The following ADAMTS2 variants were observed in gnomAD, a reference collection of about 807,000 sequenced individuals.
The protein encoded by ADAMTS2 is ADAM metallopeptidase with thrombospondin type 1 motif 2, also known as A disintegrin and metalloproteinase with thrombospondin motifs 2.
In ADAMTS2, 50 loss-of-function variants were observed where a neutral mutation model predicts 123.0. That is an observed-to-expected ratio of 0.41 (90% CI 0.32 to 0.51). ADAMTS2 has a LOEUF of 0.51. Among genes scored for constraint, ADAMTS2 ranks in the 20% least tolerant of loss-of-function variants. The pLI, the probability that ADAMTS2 is intolerant of heterozygous loss-of-function variation, is 0.35. For synonymous variants in ADAMTS2, 678 were observed against 695.4 expected, an observed-to-expected ratio of 0.98 and a Z score of 0.39; for missense variants, 1,494 against 1,705.2, an observed-to-expected ratio of 0.88 and a Z score of 2.18.
chr5:179,139,750 G>T, intron 11 of ADAMTS2, 140 bp downstream of exon 11: 2 of 1,293,438 alleles, frequency 1.5e-6, no homozygotes, highest in Admixed American at 3.8e-5. Flanking sequence ...GTAGGGTGAG[G>T]CAGGCGGGGC....
chr5:179,146,764 T>G (rs1025630744), intron 10 of ADAMTS2, among the ~76,000 whole-genome samples: 1 of 152,228 alleles, frequency 6.6e-6, no homozygotes, highest in African/African-American at 2.4e-5. Flanking sequence ...TTTTATTTCC[T>G]TGCTCATTTT....
rs1038341375 is a variant in ADAMTS2, at chr5:179,181,518, C to A, written c.892-363G>T. On this transcript the variant is annotated intron_variant, in intron 4 of 21. Transcript: ENST00000251582. This position sits in a 1 kb window ranked among gnomAD's most constrained non-coding sequence, Gnocchi z 4.1. ...CAACAGTGAACGTGGGTGATGGACCCCCGCGGCACAGGCAGGGCTGGGACC... is the reference window on the plus strand; with the variant it reads ...CAACAGTGAACGTGGGTGATGGACCACCGCGGCACAGGCAGGGCTGGGACC... 3.3e-5 allele frequency among the ~76,000 whole-genome samples: 5 copies of A among 152,140 alleles called. No individual in the cohort carries two copies. The highest frequency in any genetic ancestry group is 7.4e-5 in the Non-Finnish European group (5 of 68,024).
rs35753 is a variant in ADAMTS2, at chr5:179,268,785, C to A, written c.688+4126G>T. Among the ~76,000 whole-genome samples the A allele has an allele frequency of 7.9e-5, 12 of 152,154 alleles. No individual in the cohort carries two copies. The South Asian group carries it at 1.2e-3, about 16-fold the overall frequency. ...TCTGGGCTATATGCCCTGGGGAGGC[C>A]TAAGTGAAGCCTACAGTGCTGCTCC... On this transcript the variant is annotated intron_variant, in intron 3 of 21. Transcript: ENST00000251582.
chr5:179,265,560 G>A (rs1766346598), intron 3 of ADAMTS2, among the ~76,000 whole-genome samples: 1 of 152,194 alleles, frequency 6.6e-6, no homozygotes, highest in Admixed American at 6.5e-5. Context: ...GCACCCACAG[G>A]GCAGCGCTCT....
At chr5:179,286,394 C>T (rs898167254) in intron 2 of ADAMTS2, among the ~76,000 whole-genome samples, 3 of 151,834 alleles carry the variant, frequency 2.0e-5, no homozygotes, top group Non-Finnish European at 2.9e-5. Context: ...GAGACCAGCA[C>T]GCCTGAGCAC....
chr5:179,134,461 T>C (rs1446096337), intron 13 of ADAMTS2, among the ~76,000 whole-genome samples: 1 of 152,176 alleles, frequency 6.6e-6, no homozygotes, highest in Non-Finnish European at 1.5e-5. Context: ...CAGAGCCCAC[T>C]GGAATGATTC....
intron 2 of ADAMTS2, among the ~76,000 whole-genome samples, chr5:179,320,613 TGGCCCAC>T (rs1757142550): frequency 2.0e-5 from 3 of 152,104 alleles, no homozygotes; most frequent in Non-Finnish European, 4.4e-5. Flanking sequence ...CCACTGTTCC[TGGCCCAC>T]CCTTCTCCTT....
chr5:179,146,387 G>A (rs547200459), intron 10 of ADAMTS2, among the ~76,000 whole-genome samples: 11 of 152,234 alleles, frequency 7.2e-5, no homozygotes, highest in South Asian at 6.2e-4. Flanking sequence ...TCTGGTTTCC[G>A]TCCTTGATGT....
chr5:179,174,026 A>G lies in ADAMTS2; in HGVS notation c.975+7046T>C, dbSNP rs866811845. ...AGACTCCATCTCAAAAAAAAAAAAA[A>G]AAAGAAAGAAAAAAAGAACATTTTT... On this transcript the variant is annotated intron_variant, in intron 5 of 21. Coordinates refer to ENST00000251582, the MANE Select transcript of ADAMTS2 (RefSeq NM_014244.5). 2.0e-3 allele frequency among the ~76,000 whole-genome samples: 309 copies of G among 151,710 alleles called. 1 individual carries two copies. Among genetic ancestry groups the G allele is most frequent in the African/African-American group, 6.4e-3 (265 of 41,266 alleles).
intron 10 of ADAMTS2, among the ~76,000 whole-genome samples, chr5:179,142,655 G>A (rs1457750169): frequency 1.3e-5 from 2 of 152,204 alleles, no homozygotes; most frequent in East Asian, 3.8e-4. Flanking sequence ...GATAGTCAAA[G>A]AGCCTGGCTA....
chr5:179,207,473 C>CCGA, intron 4 of ADAMTS2, 40 bp downstream of exon 4: 4 of 938,202 alleles, frequency 4.3e-6, no homozygotes, highest in Non-Finnish European at 6.9e-6. Context: ...CCTGGTTGAC[C>CCGA]CTCCCCGCCC....
rs1228399778 is a variant in ADAMTS2 at position 179,285,229 on chromosome 5, T to A, written c.535-12165A>T. 6.6e-6 allele frequency among the ~76,000 whole-genome samples: 1 copy of A among 152,178 alleles called. No individual in the cohort carries two copies. Among genetic ancestry groups the A allele is most frequent in the Non-Finnish European group, 1.5e-5 (1 of 68,042 alleles). On this transcript the variant is annotated intron_variant, in intron 2 of 21. Coordinates refer to ENST00000251582, the MANE Select transcript of ADAMTS2 (RefSeq NM_014244.5). This position sits in a 1 kb window ranked among gnomAD's most constrained non-coding sequence, Gnocchi z 4.9. ...TTAATATTTTCTGTATTTTTTTTGT[T>A]TTACATTTTTACAAAGGGCATATAG...
chr5:179,309,640 C>T (rs1427791839), intron 2 of ADAMTS2, among the ~76,000 whole-genome samples: 2 of 151,904 alleles, frequency 1.3e-5, no homozygotes, highest in South Asian at 4.2e-4. Context: ...CACCGGTAAC[C>T]CCAGCTACTC....
At chr5:179,294,213 G>A (rs1183170057) in intron 2 of ADAMTS2, among the ~76,000 whole-genome samples, 1 of 152,118 alleles carries the variant, frequency 6.6e-6, no homozygotes, top group Non-Finnish European at 1.5e-5. Context: ...CTAAGATGCT[G>A]CCACTGCACT....
At chr5:179,124,322 C>A (rs1167510622) in intron 19 of ADAMTS2, among the ~76,000 whole-genome samples, 1 of 152,130 alleles carries the variant, frequency 6.6e-6, no homozygotes, top group Non-Finnish European at 1.5e-5. Context: ...GGCTCTCAGG[C>A]CCTGCCCCTA....
At chr5:179,166,528 C>T (rs1365124124) in intron 5 of ADAMTS2, among the ~76,000 whole-genome samples, 1 of 152,164 alleles carries the variant, frequency 6.6e-6, no homozygotes, top group Non-Finnish European at 1.5e-5. Context: ...GCCCAGCCTG[C>T]AGGGGTCTGG....
intron 5 of ADAMTS2, among the ~76,000 whole-genome samples, chr5:179,173,561 G>T (rs1016535583): frequency 1.3e-5 from 2 of 152,166 alleles, no homozygotes; most frequent in Non-Finnish European, 2.9e-5. Context: ...ACTATTATTG[G>T]ACAATATAGG....
intron 2 of ADAMTS2, among the ~76,000 whole-genome samples, chr5:179,287,084 C>T (rs1756041784): frequency 6.6e-6 from 1 of 152,206 alleles, no homozygotes; most frequent in Admixed American, 6.5e-5. Flanking sequence ...CCTCCAGGCG[C>T]CAAGTCCACA....
At chr5:179,139,112 G>C (rs180894723) in intron 11 of ADAMTS2, among the ~76,000 whole-genome samples, 2 of 152,352 alleles carry the variant, frequency 1.3e-5, no homozygotes, top group East Asian at 1.9e-4. Context: ...GGCCTGCGGC[G>C]TAAGAGCCCG....
Sources: allele counts gnomAD v4.1 joint callset (sites outside exome capture counted in the v4.1 genomes callset), GRCh38; gene constraint gnomAD v4.1.1; non-coding constraint Gnocchi (gnomAD v3.1); transcripts MANE v1.5; gene names NCBI Gene and HGNC (gene_info 2026-07-23, HGNC 2026-07-21).